The following STK24 variants were observed in gnomAD, a reference collection of about 807,000 sequenced individuals.
STK24 encodes the protein serine/threonine-protein kinase 24.
In STK24, 21 loss-of-function variants were observed where a neutral mutation model predicts 55.6. The observed-to-expected ratio is 0.38, with a 90% confidence interval of 0.27 to 0.54. The LOEUF (loss-of-function observed/expected upper bound fraction) is 0.54. STK24 is among the 20% of genes least tolerant of loss of function. STK24 has a pLI of 0.79. For missense variants in STK24, 383 were observed against 538.4 expected (o/e 0.71, Z 2.86); for synonymous variants, 200 against 215.2 (o/e 0.93, Z 0.62).
rs1294094558 is a variant in STK24 at position 98,559,646 on chromosome 13, TACAACAAAGCCTG to T, written c.42+17086_42+17098del. Among the ~76,000 whole-genome samples, 151 of 152,346 alleles carry T rather than the reference TACAACAAAGCCTG, an allele frequency of 9.9e-4. 2 individuals carry two copies. The highest frequency in any genetic ancestry group is 3.4e-3 in the Middle Eastern group (1 of 294). On this transcript the variant is annotated intron_variant, in intron 1 of 10. Coordinates refer to ENST00000539966, the MANE Select transcript of STK24 (RefSeq NM_001032296.4). ...TTTTTCGTAAAATAGCAAAGATCTTTACAACAAAGCCTGACAACACTCCCTCTTTTTCTTAAAG... is the reference window on the plus strand; with the variant it reads ...TTTTTCGTAAAATAGCAAAGATCTTTACAACACTCCCTCTTTTTCTTAAAG...
At chr13:98,511,729 C>T (rs1427712376) in intron 2 of STK24, among the ~76,000 whole-genome samples, 4 of 152,070 alleles carry the variant, frequency 2.6e-5, no homozygotes, top group Non-Finnish European at 5.9e-5. Context: ...TACGGTGCTC[C>T]GGAAAAGCCA....
chr13:98,452,693 T>C lies in STK24; in HGVS notation c.*480A>G, dbSNP rs182464731. On this transcript the variant is annotated 3_prime_UTR_variant, in exon 11 of 11. Transcript: ENST00000539966. ...CACTTGGCCAGTTTGTACACAGTGATTCCTTATGCACGCCGAAAGGGTTTC... is the reference window on the plus strand; with the variant it reads ...CACTTGGCCAGTTTGTACACAGTGACTCCTTATGCACGCCGAAAGGGTTTC... 4.5e-5 allele frequency: 7 copies of C among 155,006 alleles called. No homozygotes were observed. The highest frequency in any genetic ancestry group is 4.5e-4 in the Admixed American group (7 of 15,604). The allele number at this position is 155,006 out of a possible 1,614,324, so 9.6% of individuals were successfully genotyped here.
intron 1 of STK24, chr13:98,543,096 TC>T: frequency 2.3e-6 from 2 of 888,506 alleles, no homozygotes; most frequent in South Asian, 1.0e-4. Context: ...GCAGCTCCGC[TC>T]CGGCTGGGAG....
chr13:98,490,228 T>C (rs1170503006), intron 2 of STK24, among the ~76,000 whole-genome samples: 2 of 152,186 alleles, frequency 1.3e-5, no homozygotes, highest in Non-Finnish European at 2.9e-5. Context: ...TGCACAGATA[T>C]AAACCTTTTT....
intron 1 of STK24, among the ~76,000 whole-genome samples, chr13:98,552,939 G>A (rs1162595826): frequency 6.6e-6 from 1 of 152,086 alleles, no homozygotes; most frequent in Non-Finnish European, 1.5e-5. Flanking sequence ...CACCAAGAGT[G>A]AGCTCCACCG....
chr13:98,488,975 G>A (rs796486279), intron 2 of STK24, among the ~76,000 whole-genome samples: 1 of 152,202 alleles, frequency 6.6e-6, no homozygotes, highest in Non-Finnish European at 1.5e-5. Context: ...ACAATGCAGC[G>A]GGCTTTATTA....
chr13:98,508,116 T>C (rs1360828133), intron 2 of STK24, among the ~76,000 whole-genome samples: 2 of 152,234 alleles, frequency 1.3e-5, no homozygotes. Flanking sequence ...CCACCGCTTC[T>C]TGCTACTTCA....
At chr13:98,540,812 TA>T (rs1388722058) in intron 1 of STK24, among the ~76,000 whole-genome samples, 1 of 121,792 alleles carries the variant, frequency 8.2e-6, no homozygotes, top group Non-Finnish European at 1.7e-5. Context: ...AGCTGGAATA[TA>T]ACAAAAGCCC....
intron 3 of STK24, among the ~76,000 whole-genome samples, chr13:98,477,398 G>A (rs1351571447): frequency 2.0e-5 from 3 of 152,182 alleles, no homozygotes; most frequent in Non-Finnish European, 4.4e-5. Context: ...GAGGCCAGGC[G>A]CGGTGGCTCA....
At chr13:98,567,657 A>T (rs192872103) in intron 1 of STK24, among the ~76,000 whole-genome samples, 9 of 152,284 alleles carry the variant, frequency 5.9e-5, no homozygotes, top group Admixed American at 2.6e-4. Flanking sequence ...CAATCTCATG[A>T]TGAAGAGAAC....
chr13:98,516,793 C>T (rs1290192548), intron 2 of STK24, among the ~76,000 whole-genome samples: 1 of 152,202 alleles, frequency 6.6e-6, no homozygotes, highest in East Asian at 1.9e-4. Flanking sequence ...GGAAGAGATA[C>T]ATTTCTAACA....
intron 2 of STK24, among the ~76,000 whole-genome samples, chr13:98,502,223 C>T (rs895528617): frequency 6.6e-6 from 1 of 152,172 alleles, no homozygotes; most frequent in Non-Finnish European, 1.5e-5. Flanking sequence ...CAAAGAAGTT[C>T]TGGGTGCAGG....
intron 1 of STK24, among the ~76,000 whole-genome samples, chr13:98,556,325 A>T (rs1897288216): frequency 6.6e-6 from 1 of 152,224 alleles, no homozygotes; most frequent in Non-Finnish European, 1.5e-5. Context: ...CCAGGATCAC[A>T]TCATTAAGGC....
At chr13:98,515,730 G>A (rs1053627858) in intron 2 of STK24, among the ~76,000 whole-genome samples, 1 of 152,120 alleles carries the variant, frequency 6.6e-6, no homozygotes, top group Non-Finnish European at 1.5e-5. Context: ...TAGACTAAAA[G>A]AATGAACCAA....
intron 1 of STK24, among the ~76,000 whole-genome samples, chr13:98,536,087 T>C (rs1896725969): frequency 1.3e-5 from 2 of 152,198 alleles, no homozygotes; most frequent in Admixed American, 6.5e-5. Flanking sequence ...GGAATGGAGG[T>C]GCGAAGGTCA....
chr13:98,457,389 T>C, intron 9 of STK24, 85 bp from the exon 10 acceptor site: 4 of 1,596,554 alleles, frequency 2.5e-6, no homozygotes, highest in Non-Finnish European at 3.4e-6. Flanking sequence ...CAACACGGCG[T>C]GTGGACCACG....
Position 98,519,411 on chromosome 13 carries a change from A to G in STK24, c.105T>C (p.Phe35=). 6.2e-7 allele frequency: 1 copy of G among 1,614,208 alleles called. No homozygotes were observed. Among genetic ancestry groups the G allele is most frequent in the South Asian group, 1.1e-5 (1 of 91,084 alleles). ...TKLEKIGKGS[F]GEVFKGIDNR... ...TGTCAATGCCTTTGAACACCTCTCCAAAGGAGCCCTTCCCAATTTTCTCTA... is the reference window on the plus strand; with the variant it reads ...TGTCAATGCCTTTGAACACCTCTCCGAAGGAGCCCTTCCCAATTTTCTCTA... The change falls in exon 2 of 11, where the codon TTT becomes TTC. Residue 35 remains phenylalanine (F), a synonymous_variant. Coordinates refer to ENST00000539966, the MANE Select transcript of STK24 (RefSeq NM_001032296.4).
intron 1 of STK24, among the ~76,000 whole-genome samples, chr13:98,562,705 A>G (rs1193546520): frequency 6.6e-6 from 1 of 152,026 alleles, no homozygotes; most frequent in African/African-American, 2.4e-5. Context: ...CACGAGGTCA[A>G]GAGATCCAGA....
chr13:98,463,887 A>G (rs1566347838), intron 6 of STK24, 51 bp from the exon 7 acceptor site: 2 of 1,585,988 alleles, frequency 1.3e-6, no homozygotes, highest in Non-Finnish European at 1.7e-6. Context: ...TCTTGGTCCT[A>G]CCCCAAAGGA....
Sources: gnomAD v4.1 joint callset for allele counts (sites outside exome capture counted in the v4.1 genomes callset) on GRCh38, gnomAD v4.1.1 for gene constraint, MANE v1.5 for transcripts, NCBI Gene and HGNC (gene_info 2026-07-23, HGNC 2026-07-21) for gene names.